CLRN3: variants seen among roughly 807,000 people sequenced by gnomAD.
CLRN3 encodes clarin 3, also known as clarin-3.
In CLRN3, 12 loss-of-function variants were observed where a neutral mutation model predicts 16.7. The observed-to-expected ratio is 0.72, with a 90% CI of 0.46 to 1.16. The LOEUF (loss-of-function observed/expected upper bound fraction) is 1.16, where lower values mean the gene tolerates loss of function less well. CLRN3 is among the 50% of genes most tolerant of loss of function. The pLI, the probability that CLRN3 is intolerant of heterozygous loss-of-function variation, is 0.00. For synonymous variants in CLRN3, 118 were observed against 113.0 expected, an observed-to-expected ratio of 1.04 and a Z score of -0.28; for missense variants, 296 against 274.2, an observed-to-expected ratio of 1.08 and a Z score of -0.56.
At chr10:127,891,692 T>A (rs1208141269) in intron 1 of CLRN3, among the ~76,000 whole-genome samples, 1 of 152,238 alleles carries the variant, frequency 6.6e-6, no homozygotes, top group Admixed American at 6.5e-5. Context: ...GACTCAAACT[T>A]CTTCATGCAT....
chr10:127,886,998 C>A (rs1462875880), intron 1 of CLRN3, among the ~76,000 whole-genome samples: 1 of 152,208 alleles, frequency 6.6e-6, no homozygotes, highest in Non-Finnish European at 1.5e-5. Flanking sequence ...TGGGATGTGG[C>A]CACCTGGGCT....
intron 1 of CLRN3, among the ~76,000 whole-genome samples, chr10:127,886,629 C>T (rs770900338): frequency 7.2e-5 from 11 of 152,206 alleles, no homozygotes; most frequent in Admixed American, 2.0e-4. Context: ...CGCCTCACAG[C>T]GGTTGGCATG....
chr10:127,880,983 C>G (rs1473954251), intron 2 of CLRN3, among the ~76,000 whole-genome samples: 1 of 152,114 alleles, frequency 6.6e-6, no homozygotes, highest in East Asian at 1.9e-4. Flanking sequence ...TTCTCCAACC[C>G]TCAAAGCTCC....
At chr10:127,886,328 A>G (rs2135083031) in intron 1 of CLRN3, among the ~76,000 whole-genome samples, 1 of 152,340 alleles carries the variant, frequency 6.6e-6, no homozygotes, top group South Asian at 2.1e-4. Context: ...ATGAGGAAGA[A>G]AAGTTTCCTC....
intron 1 of CLRN3, among the ~76,000 whole-genome samples, chr10:127,885,588 G>C (rs1186489041): frequency 1.3e-5 from 2 of 151,892 alleles, no homozygotes; most frequent in African/African-American, 2.4e-5. Flanking sequence ...TTTTTCTTCT[G>C]TTTTTGGAGA....
At chr10:127,891,726 G>A (rs1845259554) in intron 1 of CLRN3, among the ~76,000 whole-genome samples, 1 of 152,214 alleles carries the variant, frequency 6.6e-6, no homozygotes, top group Non-Finnish European at 1.5e-5. Flanking sequence ...AACATTACAT[G>A]TGTATAAGGT....
intron 1 of CLRN3, among the ~76,000 whole-genome samples, chr10:127,888,366 T>C (rs1240872222): frequency 6.6e-6 from 1 of 152,122 alleles, no homozygotes. Flanking sequence ...CTCTCTACTC[T>C]CCCCATCACA....
chr10:127,890,341 T>C (rs1845244838), intron 1 of CLRN3, among the ~76,000 whole-genome samples: 1 of 152,188 alleles, frequency 6.6e-6, no homozygotes. Flanking sequence ...AGTTACACAC[T>C]GGAGGATTTC....
intron 2 of CLRN3, among the ~76,000 whole-genome samples, chr10:127,881,024 A>C (rs1845121957): frequency 6.6e-6 from 1 of 152,174 alleles, no homozygotes; most frequent in African/African-American, 2.4e-5. Flanking sequence ...CCAAAGGGCT[A>C]CTTTGGGCAA....
At chr10:127,885,302 C>T (rs916712419) in intron 1 of CLRN3, among the ~76,000 whole-genome samples, 4 of 152,126 alleles carry the variant, frequency 2.6e-5, no homozygotes, top group African/African-American at 9.7e-5. Flanking sequence ...CTCCTTGCAT[C>T]GCCGTAATGA....
At position 127,883,720 on chromosome 10, in the gene CLRN3, C is replaced by G; in HGVS notation, c.385G>C (p.Val129Leu). ...PYQTFLGPTG[V>L]YTWNGLGASF... ...CCACCGAGCCCGTTCCAGGTGTACA[C>G]CCCCGTCGGCCCCAGGAATGTCTGG... The change falls in exon 2 of 3, where the codon GTG becomes CTG. Residue 129 changes from valine (V) to leucine (L), a missense_variant. Coordinates refer to ENST00000368671, the MANE Select transcript of CLRN3 (RefSeq NM_152311.5). 1.9e-6 allele frequency: 3 copies of G among 1,613,532 alleles called. No homozygotes were observed.
chr10:127,885,416 T>C (rs1169779671), intron 1 of CLRN3, among the ~76,000 whole-genome samples: 1 of 152,228 alleles, frequency 6.6e-6, no homozygotes, highest in African/African-American at 2.4e-5. Context: ...ACTTGCTCCT[T>C]TCCTGCCTGG....
chr10:127,887,437 A>G (rs1797604022), intron 1 of CLRN3, among the ~76,000 whole-genome samples: 1 of 151,156 alleles, frequency 6.6e-6, no homozygotes, highest in Admixed American at 6.6e-5. Context: ...TTCACTGGTA[A>G]ATGGTTCACA....
chr10:127,884,347 G>T (rs750760563), intron 1 of CLRN3, among the ~76,000 whole-genome samples: 13 of 152,206 alleles, frequency 8.5e-5, no homozygotes, highest in Non-Finnish European at 1.3e-4. Flanking sequence ...TGGCATCTGG[G>T]GTAATTGCAT....
At chr10:127,891,580 G>A (rs1279805780) in intron 1 of CLRN3, among the ~76,000 whole-genome samples, 2 of 152,190 alleles carry the variant, frequency 1.3e-5, no homozygotes, top group African/African-American at 4.8e-5. Flanking sequence ...AATGACAAAT[G>A]TATAACTTGG....
At chr10:127,881,458 G>A (rs1345280784) in intron 2 of CLRN3, among the ~76,000 whole-genome samples, 10 of 152,226 alleles carry the variant, frequency 6.6e-5, no homozygotes, top group African/African-American at 2.2e-4. Context: ...TGTAGACACA[G>A]CAATGCTGGG....
In CLRN3 at chr10:127,877,998, C is replaced by T; in HGVS notation, c.*151G>A. The T allele has an allele frequency of 2.1e-6, 2 of 967,042 alleles. No homozygotes were observed. The highest frequency in any genetic ancestry group is 1.5e-6 in the Non-Finnish European group (1 of 665,972). 59.9% of individuals were successfully genotyped at this position (967,042 alleles called of 1,614,324 possible). On this transcript the variant is annotated 3_prime_UTR_variant, in exon 3 of 3. Transcript: ENST00000368671. ...CTTGTGGGAAAAATTTTCAGGAGTA[C>T]AGCATCAATGAAGAACACAGTGTCA...
At chr10:127,885,088 T>C (rs1268773659) in intron 1 of CLRN3, among the ~76,000 whole-genome samples, 1 of 152,168 alleles carries the variant, frequency 6.6e-6, no homozygotes, top group Non-Finnish European at 1.5e-5. Flanking sequence ...GGAGCAGCTT[T>C]AAAGAACAGA....
At position 127,892,714 on chromosome 10, in the gene CLRN3, AT is replaced by A; in HGVS notation, c.70del (p.Ile24PhefsTer41). On this transcript the variant is annotated frameshift_variant, in exon 1 of 3. Transcript: ENST00000368671. LOFTEE classifies it high-confidence loss of function. ...TGCTTGTGTCCCAAGAATAGAGCAAATTACAATGAAGGACCCAAGGCTGGTG... is the reference window on the plus strand; with the variant it reads ...TGCTTGTGTCCCAAGAATAGAGCAAATACAATGAAGGACCCAAGGCTGGTG... Reference protein sequence around the residue: ...FFTSLGSFIVICSILGTQAWI... With the variant: ...FFTSLGSFIVXCSILGTQAWI... 6.2e-7 allele frequency: 1 copy of A among 1,613,812 alleles called. No homozygotes were observed. The highest frequency in any genetic ancestry group is 8.5e-7 in the Non-Finnish European group (1 of 1,179,732).
Sources: gnomAD v4.1 joint callset for allele counts (sites outside exome capture counted in the v4.1 genomes callset) on GRCh38, gnomAD v4.1.1 for gene constraint, MANE v1.5 for transcripts, NCBI Gene and HGNC (gene_info 2026-07-23, HGNC 2026-07-21) for gene names.